Variants in ZEB1 observed in about 807,000 individuals in gnomAD.
The protein encoded by ZEB1 is zinc finger E-box-binding homeobox 1.
A neutral mutation model predicts 84.9 loss-of-function variants in ZEB1; 21 were observed. The observed-to-expected ratio is 0.25, with a 90% CI of 0.18 to 0.36. The LOEUF is 0.36. Among genes scored for constraint, ZEB1 ranks in the 10% least tolerant of loss-of-function variants. The pLI is 1.00. For synonymous variants in ZEB1, 420 were observed against 471.1 expected (o/e 0.89, Z 1.41); for missense variants, 1,104 against 1,330.2 (o/e 0.83, Z 2.65).
chr10:31,506,264 G>C (rs1480173921), intron 4 of ZEB1, among the ~76,000 whole-genome samples: 1 of 152,008 alleles, frequency 6.6e-6, no homozygotes, highest in Non-Finnish European at 1.5e-5. Context: ...AAAATGTTCT[G>C]TAAGTGTCTC....
chr10:31,398,676 A>G lies in ZEB1; in HGVS notation c.59-62361A>G, dbSNP rs141412643. 3.2e-3 allele frequency among the ~76,000 whole-genome samples: 488 copies of G among 152,190 alleles called. 3 individuals are homozygous for G. Among genetic ancestry groups the G allele is most frequent in the African/African-American group, 0.011 (451 of 41,520 alleles). Reference sequence around the variant, plus strand: ...CATTTCACCAGAATTGTACTTCTTAATGACTGCCATGCTGCCAATCAGATG... The same window carrying G: ...CATTTCACCAGAATTGTACTTCTTAGTGACTGCCATGCTGCCAATCAGATG... On this transcript the variant is annotated intron_variant, in intron 1 of 8. Transcript: ENST00000424869.
At chr10:31,450,966 G>T (rs914953462) in intron 1 of ZEB1, among the ~76,000 whole-genome samples, 1 of 151,926 alleles carries the variant, frequency 6.6e-6, no homozygotes, top group Non-Finnish European at 1.5e-5. Context: ...TAATTATTAT[G>T]TTGACTTCCT....
At chr10:31,323,323 T>G (rs2133007643) in intron 1 of ZEB1, among the ~76,000 whole-genome samples, 1 of 151,952 alleles carries the variant, frequency 6.6e-6, no homozygotes, top group Non-Finnish European at 1.5e-5. Flanking sequence ...TCTAAAATGG[T>G]CAAAGTTTAA....
chr10:31,469,360 A>G (rs1303411470), intron 2 of ZEB1, among the ~76,000 whole-genome samples: 3 of 152,102 alleles, frequency 2.0e-5, no homozygotes, highest in African/African-American at 7.2e-5. Context: ...TGCGCGCACC[A>G]TGCGTGAGCC....
chr10:31,359,637 CTATATT>C (rs2134043935), intron 1 of ZEB1, among the ~76,000 whole-genome samples: 1 of 152,174 alleles, frequency 6.6e-6, no homozygotes, highest in African/African-American at 2.4e-5. Context: ...ATGTTATTAA[CTATATT>C]TATAATTTGT....
intron 5 of ZEB1, among the ~76,000 whole-genome samples, chr10:31,512,848 T>C (rs755352751): frequency 6.6e-6 from 1 of 152,060 alleles, no homozygotes; most frequent in Non-Finnish European, 1.5e-5. Flanking sequence ...GAGCCAGTCA[T>C]GGAATATTGG....
At chr10:31,441,392 A>C (rs1358190741) in intron 1 of ZEB1, among the ~76,000 whole-genome samples, 1 of 152,222 alleles carries the variant, frequency 6.6e-6, no homozygotes, top group Non-Finnish European at 1.5e-5. Context: ...CTTACACCTG[A>C]TACAAAAATT....
intron 2 of ZEB1, among the ~76,000 whole-genome samples, chr10:31,487,465 A>G (rs888609992): frequency 6.6e-6 from 1 of 151,514 alleles, no homozygotes; most frequent in Admixed American, 6.6e-5. Context: ...CAGATCATGT[A>G]CATAGTTTGT....
chr10:31,518,471 A>AT (rs920647444), intron 6 of ZEB1, among the ~76,000 whole-genome samples: 4 of 152,060 alleles, frequency 2.6e-5, no homozygotes, highest in Non-Finnish European at 4.4e-5. Flanking sequence ...CATCATAGCT[A>AT]TTTTTTTGGC....
At chr10:31,411,689 T>C (rs2054316763) in intron 1 of ZEB1, among the ~76,000 whole-genome samples, 1 of 137,256 alleles carries the variant, frequency 7.3e-6, no homozygotes, top group South Asian at 2.4e-4. Context: ...TAGCACTAAA[T>C]GCTATAAATT....
chr10:31,469,301 C>T (rs1049033087), intron 2 of ZEB1, among the ~76,000 whole-genome samples: 20 of 152,128 alleles, frequency 1.3e-4, no homozygotes, highest in Non-Finnish European at 2.2e-4. Flanking sequence ...TCTGAGGTAC[C>T]GGGTTCATCT....
chr10:31,414,929 C>T (rs945640068), intron 1 of ZEB1, among the ~76,000 whole-genome samples: 1 of 152,134 alleles, frequency 6.6e-6, no homozygotes, highest in African/African-American at 2.4e-5. Flanking sequence ...AAAACTTAAT[C>T]ATTGATTATA....
At position 31,461,025 on chromosome 10, in the gene ZEB1, T is replaced by C; in HGVS notation, c.59-12T>C. 6.2e-7 allele frequency: 1 copy of C among 1,605,106 alleles called. No individual in the cohort carries two copies. Among genetic ancestry groups the C allele is most frequent in the Non-Finnish European group, 8.5e-7 (1 of 1,172,650 alleles). On this transcript the variant is annotated splice_polypyrimidine_tract_variant and intron_variant, in intron 1 of 8. Transcript: ENST00000424869. The stretch of plus-strand genomic sequence containing the variant: ...GTTGGTTTTGATTATTTGTTTCTTG[T>C]TTGTATTACAGTTACAAATTATAAT...
At chr10:31,499,980 A>G (rs1367084534) in intron 3 of ZEB1, among the ~76,000 whole-genome samples, 1 of 152,102 alleles carries the variant, frequency 6.6e-6, no homozygotes, top group Non-Finnish European at 1.5e-5. Context: ...TCATATATAA[A>G]ATACAGATCA....
intron 1 of ZEB1, among the ~76,000 whole-genome samples, chr10:31,366,808 C>T (rs2044591906): frequency 6.6e-6 from 1 of 152,100 alleles, no homozygotes; most frequent in African/African-American, 2.4e-5. Flanking sequence ...TCTGAGTTCC[C>T]AGCGTATACT....
chr10:31,492,585 C>G (rs1219880293), intron 2 of ZEB1, among the ~76,000 whole-genome samples: 1 of 151,744 alleles, frequency 6.6e-6, no homozygotes, highest in Non-Finnish European at 1.5e-5. Context: ...GTAGACAAAC[C>G]AGGAAAGGGA....
chr10:31,326,515 G>A (rs1321371143), intron 1 of ZEB1, among the ~76,000 whole-genome samples: 2 of 152,086 alleles, frequency 1.3e-5, no homozygotes, highest in Non-Finnish European at 2.9e-5. Flanking sequence ...AATAATTTTG[G>A]ACTGGAGAGA....
chr10:31,385,614 C>T (rs1201336931), intron 1 of ZEB1, among the ~76,000 whole-genome samples: 1 of 151,752 alleles, frequency 6.6e-6, no homozygotes, highest in Non-Finnish European at 1.5e-5. Flanking sequence ...GCAACCTCCA[C>T]CTCCCAGGTT....
At chr10:31,438,666 T>C (rs1405647067) in intron 1 of ZEB1, among the ~76,000 whole-genome samples, 1 of 152,056 alleles carries the variant, frequency 6.6e-6, no homozygotes, top group Non-Finnish European at 1.5e-5. Flanking sequence ...TGAGACCCTG[T>C]CTCTATAAAA....
Sources: allele counts gnomAD v4.1 joint callset (sites outside exome capture counted in the v4.1 genomes callset), GRCh38; gene constraint gnomAD v4.1.1; transcripts MANE v1.5; gene names NCBI Gene and HGNC (gene_info 2026-07-23, HGNC 2026-07-21).